The following RCAN2 variants were observed in gnomAD, a reference collection of about 807,000 sequenced individuals.
RCAN2 encodes the protein calcipressin-2.
Under a neutral mutation model 23.6 loss-of-function variants are expected in RCAN2, and 9 were observed. That is an observed-to-expected ratio of 0.38 (90% CI 0.23 to 0.67). The LOEUF is 0.67. RCAN2 is among the 30% of genes least tolerant of loss of function. The pLI is 0.51. For synonymous variants in RCAN2, 109 were observed against 115.7 expected (o/e 0.94, Z 0.37); for missense variants, 273 against 302.3 (o/e 0.90, Z 0.72).
At chr6:46,327,834 T>C (rs1179418090) in intron 2 of RCAN2, among the ~76,000 whole-genome samples, 1 of 152,216 alleles carries the variant, frequency 6.6e-6, no homozygotes, top group Non-Finnish European at 1.5e-5. Context: ...TCAAACTGAA[T>C]ACAAAGTTGG....
At chr6:46,414,271 A>C (rs1417760618) in intron 2 of RCAN2, among the ~76,000 whole-genome samples, 1 of 152,238 alleles carries the variant, frequency 6.6e-6, no homozygotes, top group Non-Finnish European at 1.5e-5. Flanking sequence ...CCATTAGTGT[A>C]AATGGGAGAT....
chr6:46,271,746 G>T (rs1767530928), intron 2 of RCAN2, among the ~76,000 whole-genome samples: 1 of 152,206 alleles, frequency 6.6e-6, no homozygotes, highest in Admixed American at 6.5e-5. Context: ...CTTACTCGTG[G>T]TAGTGGTAGT....
chr6:46,352,595 C>T (rs951772783), intron 2 of RCAN2, among the ~76,000 whole-genome samples: 1 of 152,156 alleles, frequency 6.6e-6, no homozygotes, highest in Non-Finnish European at 1.5e-5. Context: ...CTGAACCTCT[C>T]CTCAAAATAT....
At chr6:46,329,174 C>T (rs754085623) in intron 2 of RCAN2, among the ~76,000 whole-genome samples, 1 of 152,222 alleles carries the variant, frequency 6.6e-6, no homozygotes, top group African/African-American at 2.4e-5. Flanking sequence ...GCTATTCCCT[C>T]TCTCTGAAAA....
At chr6:46,411,404 G>A (rs1296273751) in intron 2 of RCAN2, among the ~76,000 whole-genome samples, 1 of 152,168 alleles carries the variant, frequency 6.6e-6, no homozygotes, top group African/African-American at 2.4e-5. Context: ...AGAGATGGGT[G>A]TTTATGATCA....
intron 2 of RCAN2, among the ~76,000 whole-genome samples, chr6:46,286,898 G>C (rs568075188): frequency 6.6e-6 from 1 of 152,192 alleles, no homozygotes; most frequent in Non-Finnish European, 1.5e-5. Context: ...CCAGCTACTC[G>C]GGAGGCTGAG....
chr6:46,403,572 C>A (rs200978364), intron 2 of RCAN2, among the ~76,000 whole-genome samples: 249 of 122,374 alleles, frequency 2.0e-3, no homozygotes, highest in South Asian at 2.4e-3. Flanking sequence ...AACTCCGTAT[C>A]AAAAAAAAAA....
chr6:46,261,644 G>A (rs142949324), intron 2 of RCAN2, among the ~76,000 whole-genome samples: 9 of 151,948 alleles, frequency 5.9e-5, no homozygotes, highest in Non-Finnish European at 1.2e-4. Context: ...ATCTATACTC[G>A]TACCTGTATA....
intron 2 of RCAN2, among the ~76,000 whole-genome samples, chr6:46,390,231 G>C (rs1004127263): frequency 8.5e-5 from 13 of 152,166 alleles, no homozygotes; most frequent in Admixed American, 8.5e-4. Flanking sequence ...GACTTGGGCT[G>C]GGGGAAGAAG....
chr6:46,301,411 C>A (rs1188669003), intron 2 of RCAN2, among the ~76,000 whole-genome samples: 1 of 152,012 alleles, frequency 6.6e-6, no homozygotes, highest in African/African-American at 2.4e-5. Context: ...GGTGAATGAT[C>A]CTGGGATAGA....
chr6:46,247,124 A>G (rs1017687217), intron 3 of RCAN2, among the ~76,000 whole-genome samples: 4 of 152,126 alleles, frequency 2.6e-5, no homozygotes, highest in Non-Finnish European at 5.9e-5. Flanking sequence ...TTTACTGTAC[A>G]TCAGAATCAC....
At position 46,390,081 on chromosome 6, in the gene RCAN2, G is replaced by T. The variant is rs183884904; in HGVS notation, c.225+66671C>A. Among the ~76,000 whole-genome samples, 141 of 150,998 alleles carry T rather than the reference G, an allele frequency of 9.3e-4. 2 individuals are homozygous for T. The highest frequency in any genetic ancestry group is 3.0e-3 in the African/African-American group (124 of 41,080). Reference sequence around the variant, plus strand: ...CCAGGCTACTGTTTTTGAAATTATCGTGGTTAGATATTTAGACATTAAATG... The same window carrying T: ...CCAGGCTACTGTTTTTGAAATTATCTTGGTTAGATATTTAGACATTAAATG... On this transcript the variant is annotated intron_variant, in intron 2 of 4. Transcript: ENST00000371374.
chr6:46,489,763 A>G (rs1769090542), intron 1 of RCAN2, among the ~76,000 whole-genome samples: 1 of 152,234 alleles, frequency 6.6e-6, no homozygotes, highest in African/African-American at 2.4e-5. Flanking sequence ...ACAAAATTCT[A>G]TGGACTGGAC....
At chr6:46,375,574 A>G (rs1582152233) in intron 2 of RCAN2, among the ~76,000 whole-genome samples, 1 of 152,206 alleles carries the variant, frequency 6.6e-6, no homozygotes, top group African/African-American at 2.4e-5. Context: ...TGCCCCACAT[A>G]CTAACTGCAT....
Position 46,455,582 on chromosome 6 carries a change from C to T in RCAN2, c.225+1170G>A, listed in dbSNP as rs186155294. Reference sequence around the variant, plus strand: ...TAGAAAAAAAAAAGCCTCAGCCGGGCGCAGTGGCTCACACCTGTAATCCCA... The same window carrying T: ...TAGAAAAAAAAAAGCCTCAGCCGGGTGCAGTGGCTCACACCTGTAATCCCA... On this transcript the variant is annotated intron_variant, in intron 2 of 4. Transcript: ENST00000371374. 1.5e-3 allele frequency among the ~76,000 whole-genome samples: 229 copies of T among 151,870 alleles called. 2 individuals are homozygous for T. The highest frequency in any genetic ancestry group is 0.012 in the Admixed American group (181 of 15,270).
intron 2 of RCAN2, among the ~76,000 whole-genome samples, chr6:46,410,390 T>C (rs767457098): frequency 1.3e-5 from 2 of 152,198 alleles, no homozygotes; most frequent in Non-Finnish European, 2.9e-5. Context: ...GAACACTGAC[T>C]AACATATATC....
chr6:46,404,606 A>T (rs898163633), intron 2 of RCAN2, among the ~76,000 whole-genome samples: 1 of 152,252 alleles, frequency 6.6e-6, no homozygotes, highest in Non-Finnish European at 1.5e-5. Flanking sequence ...GCCTAGAAAT[A>T]TATTTCTTGG....
In RCAN2 at chr6:46,446,274, A is replaced by G. The variant is rs866870164; in HGVS notation, c.225+10478T>C. 3.0e-5 allele frequency among the ~76,000 whole-genome samples: 4 copies of G among 134,790 alleles called. No individual in the cohort carries two copies. The South Asian group carries it at 9.7e-4, about 33-fold the overall frequency. 88.4% of individuals were successfully genotyped at this position (134,790 alleles called of 152,430 possible). A position where few individuals can be genotyped will look rare whatever the true frequency, so the allele number is the denominator to read the frequency against. ...GAAGAGAGTGGGATAATATATTCAA[A>G]GTGATAACCCAGAGGCAGGGTGTGT... is the stretch of plus-strand genomic sequence containing the variant. On this transcript the variant is annotated intron_variant, in intron 2 of 4. Coordinates refer to ENST00000371374, the MANE Select transcript of RCAN2 (RefSeq NM_001251974.2).
intron 2 of RCAN2, among the ~76,000 whole-genome samples, chr6:46,321,206 C>G (rs1440731446): frequency 6.6e-6 from 1 of 152,214 alleles, no homozygotes; most frequent in Non-Finnish European, 1.5e-5. Flanking sequence ...ATTCCTCCCC[C>G]ATCAATGCTC....
Sources: allele counts gnomAD v4.1 joint callset (sites outside exome capture counted in the v4.1 genomes callset), GRCh38; gene constraint gnomAD v4.1.1; transcripts MANE v1.5; gene names NCBI Gene and HGNC (gene_info 2026-07-23, HGNC 2026-07-21).